Variants in SCML4 observed in about 807,000 individuals in gnomAD.
SCML4 encodes the protein Scm polycomb group protein like 4.
Under a neutral mutation model 41.1 loss-of-function variants are expected in SCML4, and 34 were observed. That is an observed-to-expected ratio of 0.83 (90% CI 0.63 to 1.10). The LOEUF (loss-of-function observed/expected upper bound fraction) is 1.10. Ranked by LOEUF, SCML4 falls within the 50% of genes least tolerant of loss-of-function variation. SCML4 has a pLI of 0.00. For synonymous variants in SCML4, 214 were observed against 220.9 expected (o/e 0.97, Z 0.28); for missense variants, 522 against 534.1 (o/e 0.98, Z 0.22).
At chr6:107,833,831 T>C in the SCML4 span, among the ~76,000 whole-genome samples, 1 of 152,224 alleles carries the variant, frequency 6.6e-6, no homozygotes, top group Non-Finnish European at 1.5e-5. Flanking sequence ...CTTGACCATG[T>C]CCATGACCTC....
chr6:107,766,507 A>G (rs1780059423), intron 2 of SCML4, among the ~76,000 whole-genome samples: 1 of 152,324 alleles, frequency 6.6e-6, no homozygotes, highest in South Asian at 2.1e-4. Flanking sequence ...CGAATTTAGC[A>G]AGGAAGTCAT....
At chr6:107,840,432 G>A in the SCML4 span, among the ~76,000 whole-genome samples, 1 of 152,202 alleles carries the variant, frequency 6.6e-6, no homozygotes, top group South Asian at 2.1e-4. Flanking sequence ...AGATTCCTGA[G>A]TAGATTGTCC....
intron 1 of SCML4, among the ~76,000 whole-genome samples, chr6:107,811,120 G>T (rs949717522): frequency 6.6e-6 from 1 of 152,114 alleles, no homozygotes; most frequent in Non-Finnish European, 1.5e-5. Flanking sequence ...AGGAGAGAGG[G>T]CTCAGAGAAA....
rs777642214 is a variant in SCML4 at position 107,704,495 on chromosome 6, G to A, written c.*705C>T. The A allele has an allele frequency of 1.6e-4, 25 of 152,288 alleles. No homozygotes were observed. The highest frequency in any genetic ancestry group is 5.8e-4 in the African/African-American group (24 of 41,436). The allele number at this position is 152,288 out of a possible 1,614,324, so 9.4% of individuals were successfully genotyped here. A position where few individuals can be genotyped will look rare whatever the true frequency, so the allele number is the denominator to read the frequency against. ...TGTGGAATAAATCCCCTGTTTCTGTGTGGGCTAGATCTTGTTCACAGACAC... is the reference window on the plus strand; with the variant it reads ...TGTGGAATAAATCCCCTGTTTCTGTATGGGCTAGATCTTGTTCACAGACAC... On this transcript the variant is annotated 3_prime_UTR_variant, in exon 8 of 8. Coordinates refer to ENST00000369020, the MANE Select transcript of SCML4 (RefSeq NM_198081.5).
chr6:107,810,696 C>T (rs1467954632), intron 1 of SCML4, among the ~76,000 whole-genome samples: 16 of 152,174 alleles, frequency 1.1e-4, no homozygotes, highest in Admixed American at 1.0e-3. Flanking sequence ...ATAGATTAAA[C>T]TGTCAGATGA....
At position 107,702,898 on chromosome 6, in the gene SCML4, G is replaced by A. The variant is rs1773293698; in HGVS notation, c.*2302C>T. On this transcript the variant is annotated 3_prime_UTR_variant, in exon 8 of 8. Transcript: ENST00000369020. ...TAAAGCATTCTGAGTCACAGGATGA[G>A]ACAGGAGGTCAGCACAAGATATAGG... Among the ~76,000 whole-genome samples the A allele has an allele frequency of 6.6e-6, 1 of 152,224 alleles. No homozygotes were observed.
intron 5 of SCML4, among the ~76,000 whole-genome samples, chr6:107,740,964 A>T (rs1004025859): frequency 6.6e-6 from 1 of 152,146 alleles, no homozygotes; most frequent in Admixed American, 6.5e-5. Flanking sequence ...AGGCAATAAC[A>T]AAAGGGGGAA....
chr6:107,704,403 T>C lies in SCML4; in HGVS notation c.*797A>G, dbSNP rs1773412557. The stretch of plus-strand genomic sequence containing the variant: ...TGAGTATCAGTCAGTCAGTCAATAA[T>C]GATTGGATACGAACTAGACCCCTCT... On this transcript the variant is annotated 3_prime_UTR_variant, in exon 8 of 8. Transcript: ENST00000369020. The C allele has an allele frequency of 6.6e-6, 1 of 152,200 alleles. No homozygotes were observed. The allele number at this position is 152,200 out of a possible 1,614,324, so 9.4% of individuals were successfully genotyped here.
intron 1 of SCML4, among the ~76,000 whole-genome samples, chr6:107,792,174 C>T (rs544988968): frequency 6.6e-6 from 1 of 152,242 alleles, no homozygotes; most frequent in South Asian, 2.1e-4. Context: ...TGGGTAGAAT[C>T]GTAACTAATG....
At position 107,758,721 on chromosome 6, in the gene SCML4, C is replaced by A. The variant is rs558659531; in HGVS notation, c.157-8908G>T. 7.8e-4 allele frequency among the ~76,000 whole-genome samples: 118 copies of A among 152,156 alleles called. No homozygotes were observed. The Middle Eastern group carries it at 0.01, about 13-fold the overall frequency. ...TAGCCAAGAAACAGCCGGCAACCAC[C>A]AGAAGCTAGGAAGAGGCAAGAAAGG... On this transcript the variant is annotated intron_variant, in intron 2 of 7. Transcript: ENST00000369020.
At chr6:107,743,561 G>A (rs1413960584) in intron 5 of SCML4, among the ~76,000 whole-genome samples, 3 of 152,236 alleles carry the variant, frequency 2.0e-5, no homozygotes, top group East Asian at 1.9e-4. Flanking sequence ...TTCATAGACT[G>A]TTGGAACCAG....
intron 1 of SCML4, among the ~76,000 whole-genome samples, chr6:107,802,195 A>G (rs111983799): frequency 0.013 from 1,985 of 152,308 alleles, 47 homozygotes; most frequent in African/African-American, 0.046. Flanking sequence ...TATTCGTGAG[A>G]GACAGACAAT....
chr6:107,748,158 G>T (rs1451300949), intron 3 of SCML4, among the ~76,000 whole-genome samples: 2 of 152,192 alleles, frequency 1.3e-5, no homozygotes, highest in Non-Finnish European at 2.9e-5. Context: ...ACATAGCCAA[G>T]AAATAGAAAT....
intron 5 of SCML4, among the ~76,000 whole-genome samples, chr6:107,721,982 C>CTT (rs10649065): frequency 0.56 from 76,003 of 135,658 alleles, 22,543 homozygotes; most frequent in Middle Eastern, 0.67. Context: ...ACTTATCATA[C>CTT]TTTTTTTTTT....
intron 1 of SCML4, among the ~76,000 whole-genome samples, chr6:107,779,822 T>C (rs189136037): frequency 5.3e-4 from 81 of 152,296 alleles, no homozygotes; most frequent in Non-Finnish European, 5.9e-4. Context: ...TGTCTGAAAT[T>C]CCACCATTTC....
rs186554133 is a variant in SCML4 at position 107,773,658 on chromosome 6, T to C, written c.-59-1272A>G. Among the ~76,000 whole-genome samples the C allele has an allele frequency of 2.0e-3, 297 of 147,456 alleles. 1 individual carries two copies. Among genetic ancestry groups the C allele is most frequent in the Middle Eastern group, 0.014 (4 of 278 alleles). On this transcript the variant is annotated intron_variant, in intron 1 of 7. Coordinates refer to ENST00000369020, the MANE Select transcript of SCML4 (RefSeq NM_198081.5). The stretch of plus-strand genomic sequence containing the variant: ...ATTGCCTAAACCTTGAAGCAAGAGG[T>C]AGTTGATCAAACTTGACTCAAAGAA...
chr6:107,839,393 G>GAAAGAAAGAAAGAAAC, the SCML4 span, among the ~76,000 whole-genome samples: 51 of 134,496 alleles, frequency 3.8e-4, no homozygotes, highest in African/African-American at 1.4e-3. Flanking sequence ...AAGAAAGAAA[G>GAAAGAAAGAAAGAAAC]AAAGAAAGAA....
At chr6:107,820,366 C>T (rs1276202400) in intron 1 of SCML4, among the ~76,000 whole-genome samples, 7 of 152,180 alleles carry the variant, frequency 4.6e-5, no homozygotes, top group Non-Finnish European at 5.9e-5. Context: ...CAGTGACCAG[C>T]CGCACTGGGA....
rs751332946 is a variant in SCML4 at position 107,705,203 on chromosome 6, G to T, written c.1242C>A (p.Phe414Leu). Residue 414 changes from phenylalanine (F) to leucine (L), a missense_variant, in exon 8 of 8, where the codon TTC becomes TTA. Phe to Leu is a conservative substitution (Grantham distance 22). Transcript: ENST00000369020. Reference protein sequence around the residue: ...YHIDKLKQAKF With the variant: ...YHIDKLKQAKL ...CGCTTCTGTCTTTTTAAAAAAGTCA[G>T]AACTTGGCTTGCTTCAGTTTGTCAA... The T allele has an allele frequency of 3.2e-6, 5 of 1,551,472 alleles. No homozygotes were observed. Among genetic ancestry groups the T allele is most frequent in the Non-Finnish European group, 4.4e-6 (5 of 1,146,900 alleles).
Sources: gnomAD v4.1 joint callset for allele counts (sites outside exome capture counted in the v4.1 genomes callset) on GRCh38, gnomAD v4.1.1 for gene constraint, MANE v1.5 for transcripts, NCBI Gene and HGNC (gene_info 2026-07-23, HGNC 2026-07-21) for gene names.